PHYHIPL: variants seen among roughly 807,000 people sequenced by gnomAD.
PHYHIPL encodes phytanoyl-CoA 2-hydroxylase interacting protein like.
Under a neutral mutation model 33.4 loss-of-function variants are expected in PHYHIPL, and 9 were observed. The ratio of observed to expected loss-of-function variants is 0.27; its 90% CI spans 0.16 to 0.47. PHYHIPL has a LOEUF of 0.47. PHYHIPL is among the 20% of genes least tolerant of loss of function. PHYHIPL has a pLI of 0.99. For synonymous variants in PHYHIPL, 153 were observed against 154.1 expected (o/e 0.99, Z 0.05); for missense variants, 365 against 460.7 (o/e 0.79, Z 1.90).
In PHYHIPL at chr10:59,234,307, A is replaced by G. The variant is rs760781197; in HGVS notation, c.110A>G (p.Asn37Ser). 6.4e-7 allele frequency: 1 copy of G among 1,565,860 alleles called. No homozygotes were observed. Among genetic ancestry groups the G allele is most frequent in the Non-Finnish European group, 8.6e-7 (1 of 1,164,752 alleles). The change falls in exon 2 of 5, where the codon AAC (asparagine) becomes AGC (serine). Residue 37 changes from asparagine to serine, a missense_variant. Asn to Ser is a conservative substitution (Grantham distance 46, BLOSUM62 1). Around this residue, in one of 4 missense-constraint regions of PHYHIPL, gnomAD observed 89 missense variants for 78.3 expected, o/e 1.14. Transcript: ENST00000373880. The stretch of plus-strand genomic sequence containing the variant: ...CCTGTGCATTGTTTTCTTGCAGGGA[A>G]CAAATCACAAGACAGTGGCATAGCA... ...EAIQLCDRDG[N>S]KSQDSGIAEM...
chr10:59,188,226 C>T (rs1443820163), intron 1 of PHYHIPL, among the ~76,000 whole-genome samples: 1 of 152,070 alleles, frequency 6.6e-6, no homozygotes, highest in Admixed American at 6.6e-5. Context: ...GTTATGTACC[C>T]GGTAGTCATT....
intron 4 of PHYHIPL, among the ~76,000 whole-genome samples, chr10:59,243,682 G>T (rs1210021752): frequency 6.6e-6 from 1 of 152,074 alleles, no homozygotes; most frequent in African/African-American, 2.4e-5. Flanking sequence ...CATGTTGACT[G>T]GGGGAACTTT....
intron 1 of PHYHIPL, among the ~76,000 whole-genome samples, chr10:59,188,224 C>T (rs1408970414): frequency 6.6e-6 from 1 of 152,050 alleles, no homozygotes; most frequent in Non-Finnish European, 1.5e-5. Context: ...TTGTTATGTA[C>T]CCGGTAGTCA....
At chr10:59,220,480 T>G (rs1839738715) in intron 1 of PHYHIPL, among the ~76,000 whole-genome samples, 1 of 152,058 alleles carries the variant, frequency 6.6e-6, no homozygotes, top group Admixed American at 6.6e-5. Flanking sequence ...AAATATATAT[T>G]TAATTTAATC....
intron 1 of PHYHIPL, among the ~76,000 whole-genome samples, chr10:59,233,331 C>T (rs1455882389): frequency 1.3e-5 from 2 of 151,858 alleles, no homozygotes; most frequent in East Asian, 3.9e-4. Context: ...ACAAGGTGAA[C>T]ATTCACTGTT....
At chr10:59,208,353 TAACA>T (rs1839348655) in intron 1 of PHYHIPL, among the ~76,000 whole-genome samples, 1 of 152,040 alleles carries the variant, frequency 6.6e-6, no homozygotes, top group African/African-American at 2.4e-5. Flanking sequence ...GAAGGAAAAC[TAACA>T]AACAGAAAGG....
intron 1 of PHYHIPL, among the ~76,000 whole-genome samples, chr10:59,205,977 G>A (rs1458109370): frequency 6.6e-6 from 1 of 152,134 alleles, no homozygotes; most frequent in African/African-American, 2.4e-5. Flanking sequence ...GGATTTCATG[G>A]CCTTAGCACT....
chr10:59,244,280 A>G (rs1840541587), intron 4 of PHYHIPL, among the ~76,000 whole-genome samples: 1 of 152,152 alleles, frequency 6.6e-6, no homozygotes, highest in Non-Finnish European at 1.5e-5. Context: ...AAAAGCCAAA[A>G]CAAGGGCTGA....
intron 1 of PHYHIPL, among the ~76,000 whole-genome samples, chr10:59,193,481 A>C (rs1838833529): frequency 6.6e-6 from 1 of 152,206 alleles, no homozygotes; most frequent in East Asian, 1.9e-4. Context: ...AGAAAAATTA[A>C]AATCTTCAGC....
intron 1 of PHYHIPL, among the ~76,000 whole-genome samples, chr10:59,215,800 G>A (rs1050477577): frequency 6.6e-6 from 1 of 150,394 alleles, no homozygotes; most frequent in Non-Finnish European, 1.5e-5. Context: ...AAAACTAGAG[G>A]TAAAGCATTA....
chr10:59,175,312 A>G (rs554244319), upstream of PHYHIPL, among the ~76,000 whole-genome samples: 7 of 152,306 alleles, frequency 4.6e-5, no homozygotes, highest in African/African-American at 9.6e-5. Context: ...TGAAATTTCA[A>G]TTGTGCCAAG....
chr10:59,181,893 A>G (rs1838421197), intron 1 of PHYHIPL, among the ~76,000 whole-genome samples: 1 of 152,200 alleles, frequency 6.6e-6, no homozygotes, highest in Non-Finnish European at 1.5e-5. Flanking sequence ...GATGTGTTGT[A>G]TGTTTAACGC....
chr10:59,185,135 C>T (rs1052278165), intron 1 of PHYHIPL, among the ~76,000 whole-genome samples: 9 of 150,320 alleles, frequency 6.0e-5, no homozygotes, highest in South Asian at 2.1e-4. Flanking sequence ...GGACTACAGG[C>T]GCCCGCCACT....
At chr10:59,207,166 T>G (rs1177424884) in intron 1 of PHYHIPL, among the ~76,000 whole-genome samples, 4 of 152,154 alleles carry the variant, frequency 2.6e-5, no homozygotes, top group African/African-American at 9.7e-5. Context: ...AGCTCCAGTC[T>G]GCAGCTCCCA....
chr10:59,244,139 C>T (rs965648651), intron 4 of PHYHIPL, among the ~76,000 whole-genome samples: 2 of 152,134 alleles, frequency 1.3e-5, no homozygotes, highest in African/African-American at 4.8e-5. Context: ...GAACTGAATG[C>T]TAGAGTCCCA....
At chr10:59,191,597 G>C (rs1398213861) in intron 1 of PHYHIPL, among the ~76,000 whole-genome samples, 1 of 151,926 alleles carries the variant, frequency 6.6e-6, no homozygotes, top group East Asian at 1.9e-4. Context: ...TACAATGTAA[G>C]TCTTAATGAT....
chr10:59,210,689 A>G (rs567629744), intron 1 of PHYHIPL, among the ~76,000 whole-genome samples: 14 of 152,224 alleles, frequency 9.2e-5, no homozygotes, highest in South Asian at 2.1e-4. Flanking sequence ...ATGCTCATCA[A>G]TGATAGACTG....
intron 4 of PHYHIPL, 122 bp downstream of exon 4, chr10:59,238,827 T>C: frequency 1.7e-6 from 1 of 572,128 alleles, no homozygotes; most frequent in Non-Finnish European, 3.0e-6. Flanking sequence ...AAAATAACGA[T>C]ATGGAATTTT....
intron 1 of PHYHIPL, among the ~76,000 whole-genome samples, chr10:59,208,113 A>G (rs900523664): frequency 1.3e-5 from 2 of 152,132 alleles, no homozygotes; most frequent in African/African-American, 4.8e-5. Flanking sequence ...CCTGACCCCC[A>G]TGCCTCCTGA....
Sources: allele counts gnomAD v4.1 joint callset (sites outside exome capture counted in the v4.1 genomes callset), GRCh38; gene constraint gnomAD v4.1.1; regional missense constraint gnomAD v4.1.1; transcripts MANE v1.5; gene names NCBI Gene and HGNC (gene_info 2026-07-23, HGNC 2026-07-21).